The following CCSER1 variants were observed in gnomAD, a reference collection of about 807,000 sequenced individuals.
CCSER1 encodes coiled-coil serine rich protein 1, also known as serine-rich coiled-coil domain-containing protein 1.
Under a neutral mutation model 82.0 loss-of-function variants are expected in CCSER1, and 41 were observed. That is an observed-to-expected ratio of 0.50 (90% CI 0.39 to 0.65). CCSER1 has a LOEUF of 0.65. Ranked by LOEUF, CCSER1 falls within the 30% of genes least tolerant of loss-of-function variation. The probability of loss-of-function intolerance (pLI) is 0.00; values close to 1 mark genes in which losing one functional copy is unlikely to be tolerated. For missense variants in CCSER1, 1,119 were observed against 1,064.2 expected, an observed-to-expected ratio of 1.05 and a Z score of -0.72; for synonymous variants, 414 against 383.9, an observed-to-expected ratio of 1.08 and a Z score of -0.92.
At chr4:90,382,928 A>G (rs758871646) in intron 3 of CCSER1, among the ~76,000 whole-genome samples, 7 of 152,184 alleles carry the variant, frequency 4.6e-5, no homozygotes, top group Non-Finnish European at 8.8e-5. Context: ...ATTGCACAGT[A>G]CTTAACAAAT....
chr4:90,966,755 A>C (rs1413494856), intron 9 of CCSER1, among the ~76,000 whole-genome samples: 1 of 152,170 alleles, frequency 6.6e-6, no homozygotes, highest in Non-Finnish European at 1.5e-5. Context: ...AGAAAGCAAT[A>C]GTTGTAAAAC....
At chr4:90,793,532 C>G (rs1262374320) in intron 7 of CCSER1, among the ~76,000 whole-genome samples, 1 of 150,482 alleles carries the variant, frequency 6.6e-6, no homozygotes, top group African/African-American at 2.4e-5. Flanking sequence ...CATGGTATTT[C>G]ATGATGTTTA....
intron 3 of CCSER1, among the ~76,000 whole-genome samples, chr4:90,354,204 C>T (rs1744011276): frequency 6.6e-6 from 1 of 152,054 alleles, no homozygotes; most frequent in Non-Finnish European, 1.5e-5. Context: ...AGAAAGACAG[C>T]TACTATATGA....
intron 9 of CCSER1, among the ~76,000 whole-genome samples, chr4:91,036,679 A>G (rs1741458451): frequency 6.6e-6 from 1 of 152,326 alleles, no homozygotes; most frequent in East Asian, 1.9e-4. Context: ...TTAAAAATAG[A>G]TACATTTTTC....
At chr4:90,944,918 A>G (rs915831901) in intron 9 of CCSER1, among the ~76,000 whole-genome samples, 3 of 152,186 alleles carry the variant, frequency 2.0e-5, no homozygotes, top group African/African-American at 7.2e-5. Flanking sequence ...ATTGACATGA[A>G]TGGTAAATCA....
intron 10 of CCSER1, among the ~76,000 whole-genome samples, chr4:91,198,470 A>C (rs769827850): frequency 3.9e-5 from 6 of 152,204 alleles, no homozygotes; most frequent in Non-Finnish European, 8.8e-5. Flanking sequence ...GAAAGTTGCA[A>C]TAAATGAGAG....
chr4:91,236,239 G>A (rs1462231681), intron 10 of CCSER1, among the ~76,000 whole-genome samples: 1 of 152,102 alleles, frequency 6.6e-6, no homozygotes, highest in African/African-American at 2.4e-5. Flanking sequence ...TGTAATCCCA[G>A]CACTTTGGGA....
At chr4:90,705,650 A>G (rs1580052643) in intron 6 of CCSER1, among the ~76,000 whole-genome samples, 1 of 151,978 alleles carries the variant, frequency 6.6e-6, no homozygotes, top group East Asian at 1.9e-4. Context: ...TGCTTTGTTT[A>G]CCTACTCAAG....
chr4:90,781,944 G>A (rs527666564), intron 7 of CCSER1: 6 of 921,970 alleles, frequency 6.5e-6, no homozygotes, highest in African/African-American at 5.4e-5. Context: ...GAATATGAAC[G>A]CAGTGTATTA....
chr4:91,213,112 C>T (rs949073868), intron 10 of CCSER1, among the ~76,000 whole-genome samples: 11 of 152,118 alleles, frequency 7.2e-5, no homozygotes, highest in African/African-American at 2.4e-4. Context: ...GGCATATACG[C>T]ACCACTTTTT....
At chr4:90,360,597 A>AAAG (rs1745217443) in intron 3 of CCSER1, among the ~76,000 whole-genome samples, 1 of 151,226 alleles carries the variant, frequency 6.6e-6, no homozygotes, top group Non-Finnish European at 1.5e-5. Flanking sequence ...AAAAAAAAAA[A>AAAG]AAAAAGCTTC....
chr4:90,377,768 C>A (rs142454565), intron 3 of CCSER1, among the ~76,000 whole-genome samples: 243 of 152,088 alleles, frequency 1.6e-3, no homozygotes, highest in African/African-American at 5.8e-3. Flanking sequence ...CTGATTATAA[C>A]TGAGATGAGC....
intron 1 of CCSER1, among the ~76,000 whole-genome samples, chr4:90,204,059 T>C (rs1242266144): frequency 6.6e-6 from 1 of 152,168 alleles, no homozygotes; most frequent in Non-Finnish European, 1.5e-5. Context: ...TCTTGTAAAT[T>C]TGTTTAAGTT....
chr4:90,528,807 T>C lies in CCSER1; in HGVS notation c.1724+60453T>C, dbSNP rs543688165. ...GGTTGTAGAGAAGTTTTAAAGGTAATATTAGGTCACCTTGTCTGTTTTTAA... is the reference window on the plus strand; with the variant it reads ...GGTTGTAGAGAAGTTTTAAAGGTAACATTAGGTCACCTTGTCTGTTTTTAA... On this transcript the variant is annotated intron_variant, in intron 5 of 10. Transcript: ENST00000509176. 5.9e-5 allele frequency among the ~76,000 whole-genome samples: 9 copies of C among 152,318 alleles called. No homozygotes were observed. The South Asian group carries it at 1.0e-3, about 18-fold the overall frequency.
At chr4:90,204,133 C>T (rs577343641) in intron 1 of CCSER1, among the ~76,000 whole-genome samples, 95 of 152,132 alleles carry the variant, frequency 6.2e-4, no homozygotes, top group Non-Finnish European at 1.2e-3. Flanking sequence ...TTCTCCCATT[C>T]TGTAGGTTGC....
chr4:90,611,914 T>C (rs1323800614), intron 5 of CCSER1, among the ~76,000 whole-genome samples: 1 of 151,454 alleles, frequency 6.6e-6, no homozygotes, highest in Non-Finnish European at 1.5e-5. Flanking sequence ...TAAATATGAT[T>C]AGCACATTTA....
At chr4:91,548,654 C>T (rs1301323472) in intron 10 of CCSER1, among the ~76,000 whole-genome samples, 1 of 151,242 alleles carries the variant, frequency 6.6e-6, no homozygotes, top group Non-Finnish European at 1.5e-5. Context: ...GTTTTTCTCT[C>T]TCAATATTTT....
chr4:90,155,572 A>G (rs1290157833), intron 1 of CCSER1, among the ~76,000 whole-genome samples: 2 of 152,188 alleles, frequency 1.3e-5, no homozygotes, highest in East Asian at 1.9e-4. Flanking sequence ...TTATTGGTCT[A>G]TTCAGAGATT....
At chr4:91,070,819 G>A (rs559417238) in intron 9 of CCSER1, among the ~76,000 whole-genome samples, 4 of 152,310 alleles carry the variant, frequency 2.6e-5, no homozygotes, top group Non-Finnish European at 4.4e-5. Context: ...CTCTACAAGA[G>A]AGTCTGGTAT....
Sources: gnomAD v4.1 joint callset for allele counts (sites outside exome capture counted in the v4.1 genomes callset) on GRCh38, gnomAD v4.1.1 for gene constraint, MANE v1.5 for transcripts, NCBI Gene and HGNC (gene_info 2026-07-23, HGNC 2026-07-21) for gene names.